The following ILKAP variants were observed in gnomAD, a reference collection of about 807,000 sequenced individuals.
The protein encoded by ILKAP is integrin-linked kinase-associated serine/threonine phosphatase 2C.
ILKAP carries 11 observed loss-of-function variants against 49.1 expected under a neutral mutation model. The observed-to-expected ratio is 0.22, with a 90% CI of 0.14 to 0.37. The LOEUF (loss-of-function observed/expected upper bound fraction) is 0.37, where lower values mean the gene tolerates loss of function less well. ILKAP is among the 10% of genes least tolerant of loss of function. ILKAP has a pLI of 1.00. For synonymous variants in ILKAP, 186 were observed against 192.8 expected, an observed-to-expected ratio of 0.96 and a Z score of 0.29; for missense variants, 363 against 510.8, an observed-to-expected ratio of 0.71 and a Z score of 2.79.
At chr2:238,195,399 T>A (rs768299304) in intron 1 of ILKAP, among the ~76,000 whole-genome samples, 3 of 150,678 alleles carry the variant, frequency 2.0e-5, no homozygotes, top group Non-Finnish European at 4.4e-5. Flanking sequence ...CAGCACAGTG[T>A]CTGATTCAAT....
chr2:238,174,404 TC>T (rs1693357646), intron 9 of ILKAP, among the ~76,000 whole-genome samples: 1 of 152,208 alleles, frequency 6.6e-6, no homozygotes, highest in Non-Finnish European at 1.5e-5. Context: ...GCAAGCTCTC[TC>T]CCCTTCAGGC....
At chr2:238,190,122 T>C in intron 3 of ILKAP, 150 bp from the exon 4 acceptor site, 3 of 610,552 alleles carry the variant, frequency 4.9e-6, no homozygotes, top group Non-Finnish European at 7.6e-6. Flanking sequence ...TGTGTCTTCA[T>C]GGTTGGCGGG....
intron 2 of ILKAP, 177 bp from the exon 3 acceptor site, chr2:238,194,508 TA>T (rs1694267493): frequency 1.6e-6 from 1 of 622,756 alleles, no homozygotes; most frequent in African/African-American, 1.8e-5. Flanking sequence ...AAAGTCCTAT[TA>T]TTTCAAAGGA....
chr2:238,195,190 TTTCTTTAAAA>T (rs1237039365), intron 1 of ILKAP, among the ~76,000 whole-genome samples: 4 of 152,164 alleles, frequency 2.6e-5, no homozygotes, highest in African/African-American at 9.6e-5. Context: ...TTTAAAAGTC[TTTCTTTAAAA>T]TAGAATCCTG....
At chr2:238,195,279 T>C (rs1374360769) in intron 1 of ILKAP, among the ~76,000 whole-genome samples, 2 of 152,088 alleles carry the variant, frequency 1.3e-5, no homozygotes, top group African/African-American at 4.8e-5. Context: ...TTCAGAAATT[T>C]GGGGTGGGGT....
At chr2:238,192,528 T>A (rs1694175726) in intron 3 of ILKAP, among the ~76,000 whole-genome samples, 1 of 151,824 alleles carries the variant, frequency 6.6e-6, no homozygotes, top group African/African-American at 2.4e-5. Context: ...TGAAACCCCA[T>A]CTCTACTAAA....
At chr2:238,194,162 A>G (rs535124643) in intron 3 of ILKAP, 113 bp downstream of exon 3, 1 of 836,284 alleles carries the variant, frequency 1.2e-6, no homozygotes, top group African/African-American at 1.7e-5. Flanking sequence ...CTTATGCTGT[A>G]TTATGACTTA....
rs201590852 is a variant in ILKAP at position 238,182,159 on chromosome 2, T to A, written c.742A>T (p.Ser248Cys). The change falls in exon 9 of 12, where the codon AGT becomes TGT. Residue 248 changes from serine (S) to cysteine (C), a missense_variant. This residue lies in a region of ILKAP where 166 missense variants were observed against 307.3 expected (regional missense o/e 0.54). Coordinates refer to ENST00000254654, the MANE Select transcript of ILKAP (RefSeq NM_030768.3). ...RAILCRYNEESQKHAALSLSK... is the reference protein window; with the variant it reads ...RAILCRYNEECQKHAALSLSK... ...AGGCTTAAGGCTGCATGTTTTTGAC[T>A]CTCCTCATTATAACGACACAAGATT... 1.9e-6 allele frequency: 3 copies of A among 1,613,808 alleles called. No homozygotes were observed. In the East Asian group the frequency reaches 6.7e-5, roughly 36 times the overall value.
At chr2:238,176,222 C>T (rs1300115102) in intron 9 of ILKAP, among the ~76,000 whole-genome samples, 3 of 149,556 alleles carry the variant, frequency 2.0e-5, no homozygotes, top group African/African-American at 5.0e-5. Context: ...CAACCTCTGC[C>T]GCCTGGGTTC....
intron 9 of ILKAP, among the ~76,000 whole-genome samples, chr2:238,178,595 AAGAAG>A (rs1693566378): frequency 1.3e-5 from 2 of 152,206 alleles, no homozygotes; most frequent in Non-Finnish European, 2.9e-5. Context: ...TATTAAACCA[AAGAAG>A]AGAAAACTCT....
At chr2:238,200,594 G>A (rs1391920719) in intron 1 of ILKAP, among the ~76,000 whole-genome samples, 2 of 152,130 alleles carry the variant, frequency 1.3e-5, no homozygotes, top group Non-Finnish European at 2.9e-5. Flanking sequence ...GCCAAGGTGG[G>A]CAGAACACTT....
At chr2:238,191,632 G>A (rs1440897772) in intron 3 of ILKAP, among the ~76,000 whole-genome samples, 6 of 152,200 alleles carry the variant, frequency 3.9e-5, no homozygotes, top group Non-Finnish European at 1.5e-5. Context: ...AGATGGCCAG[G>A]TGTGGTGGTT....
chr2:238,193,911 A>G (rs1045700758), intron 3 of ILKAP, among the ~76,000 whole-genome samples: 1 of 152,254 alleles, frequency 6.6e-6, no homozygotes, highest in Non-Finnish European at 1.5e-5. Context: ...GAGGAGGTAG[A>G]GCCAATGCTA....
intron 3 of ILKAP, 71 bp downstream of exon 3, chr2:238,194,204 A>C (rs746910510): frequency 1.4e-4 from 193 of 1,364,870 alleles, no homozygotes; most frequent in Non-Finnish European, 1.1e-4. Flanking sequence ...AAACCTATAC[A>C]TAAATTTCAC....
chr2:238,196,473 C>T lies in ILKAP; in HGVS notation c.56-1603G>A, dbSNP rs140491805. Among the ~76,000 whole-genome samples, 1,116 of 151,950 alleles carry T rather than the reference C, an allele frequency of 7.3e-3. 6 individuals are homozygous for T. Among genetic ancestry groups the T allele is most frequent in the Non-Finnish European group, 0.011 (740 of 67,966 alleles). On this transcript the variant is annotated intron_variant, in intron 1 of 11. Transcript: ENST00000254654. ...AACTCCTGGCCTCAAGTGGTCCACC[C>T]GCCTCAGCCTCCCAAAGTGCTGGGA... is the stretch of plus-strand genomic sequence containing the variant.
At chr2:238,192,707 G>GA (rs61294022) in intron 3 of ILKAP, among the ~76,000 whole-genome samples, 131,433 of 139,526 alleles carry the variant, frequency 0.94, 62,039 homozygotes, top group East Asian at 0.99. Context: ...CTCAAAAAAG[G>GA]AAAAAAAAAA....
chr2:238,178,552 A>G (rs1284018388), intron 9 of ILKAP, among the ~76,000 whole-genome samples: 2 of 152,214 alleles, frequency 1.3e-5, no homozygotes. Context: ...TTAAGAACCA[A>G]GATTTCTAGC....
At position 238,170,518 on chromosome 2, in the gene ILKAP, C is replaced by T; in HGVS notation, c.*18G>A. 1 of 1,579,772 alleles carries T rather than the reference C, an allele frequency of 6.3e-7. No homozygotes were observed. The highest frequency in any genetic ancestry group is 1.1e-5 in the South Asian group (1 of 88,584). ...TTTTAAGTCAATACCATGCGTGCTC[C>T]TGGCCGCGCGCCACCCCTCAGTGCC... is the stretch of plus-strand genomic sequence containing the variant. On this transcript the variant is annotated 3_prime_UTR_variant, in exon 12 of 12. Transcript: ENST00000254654.
chr2:238,184,636 T>C (rs1019972161), intron 6 of ILKAP, among the ~76,000 whole-genome samples: 1 of 152,016 alleles, frequency 6.6e-6, no homozygotes, highest in African/African-American at 2.4e-5. Context: ...TGTGGTTCAC[T>C]GCAGCCTGAA....
Sources: allele counts gnomAD v4.1 joint callset (sites outside exome capture counted in the v4.1 genomes callset), GRCh38; gene constraint gnomAD v4.1.1; regional missense constraint gnomAD v4.1.1; transcripts MANE v1.5; gene names NCBI Gene and HGNC (gene_info 2026-07-23, HGNC 2026-07-21).